ABCB11: variants seen among roughly 807,000 people sequenced by gnomAD.
ABCB11 encodes the protein bile salt export pump.
A neutral mutation model predicts 148.0 loss-of-function variants in ABCB11; 95 were observed. The ratio of observed to expected loss-of-function variants is 0.64; its 90% CI spans 0.54 to 0.76. The LOEUF (loss-of-function observed/expected upper bound fraction) is 0.76, where lower values mean the gene tolerates loss of function less well. Among genes scored for constraint, ABCB11 ranks in the 30% least tolerant of loss-of-function variants. ABCB11 has a pLI of 0.00. For synonymous variants in ABCB11, 591 were observed against 555.4 expected (o/e 1.06, Z -0.90); for missense variants, 1,523 against 1,617.8 (o/e 0.94, Z 1.01).
intron 24 of ABCB11, 90 bp downstream of exon 24, chr2:168,932,287 C>T: frequency 1.8e-6 from 2 of 1,128,624 alleles, no homozygotes; most frequent in Non-Finnish European, 2.5e-6. Flanking sequence ...TGTTAGTTTG[C>T]TGAGAATGAT....
rs1272826038 is a variant in ABCB11 at position 168,922,217 on chromosome 2, G to A, written c.*1405C>T. Among the ~76,000 whole-genome samples, 1 of 152,088 alleles carries A rather than the reference G, an allele frequency of 6.6e-6. No individual in the cohort carries two copies. The highest frequency in any genetic ancestry group is 1.5e-5 in the Non-Finnish European group (1 of 68,010). On this transcript the variant is annotated 3_prime_UTR_variant, in exon 28 of 28. Coordinates refer to ENST00000650372, the MANE Select transcript of ABCB11 (RefSeq NM_003742.4). Reference sequence around the variant, plus strand: ...CTTCAATCTCCTGCCAGAAGAGAGGGGCTGGGAGTTCTTCTGTTCATACAC... The same window carrying A: ...CTTCAATCTCCTGCCAGAAGAGAGGAGCTGGGAGTTCTTCTGTTCATACAC...
At chr2:169,013,182 G>A in intron 5 of ABCB11, 90 bp downstream of exon 5, 2 of 964,394 alleles carry the variant, frequency 2.1e-6, no homozygotes, top group South Asian at 3.4e-5. Context: ...TACCACTCCA[G>A]CTCAGCCAGT....
intron 9 of ABCB11, among the ~76,000 whole-genome samples, chr2:168,989,282 A>AT (rs1034501641): frequency 2.2e-4 from 33 of 152,200 alleles, no homozygotes; most frequent in African/African-American, 7.2e-4. Flanking sequence ...ACTTTAATCC[A>AT]TTTTGAGTTG....
At chr2:168,938,481 A>T (rs1691924749) in intron 21 of ABCB11, among the ~76,000 whole-genome samples, 1 of 152,192 alleles carries the variant, frequency 6.6e-6, no homozygotes, top group Admixed American at 6.5e-5. Context: ...AGGTTCATAG[A>T]CACAGAAAGT....
chr2:168,969,441 A>G lies in ABCB11; in HGVS notation c.1920T>C (p.His640=), dbSNP rs1693471612. 6.2e-7 allele frequency: 1 copy of G among 1,612,598 alleles called. No individual in the cohort carries two copies. Among genetic ancestry groups the G allele is most frequent in the Non-Finnish European group, 8.5e-7 (1 of 1,179,236 alleles). Reference sequence around the variant, plus strand: ...CACCTTTCCTTTCCAGTAATTCTTCATGGGTCCCTCTTTCCACTGCAGTGC... The same window carrying G: ...CACCTTTCCTTTCCAGTAATTCTTCGTGGGTCCCTCTTTCCACTGCAGTGC... ...EHGTAVERGT[H]EELLERKGVY... Residue 640 remains histidine, a synonymous_variant, in exon 16 of 28, where the codon CAT becomes CAC. Coordinates refer to ENST00000650372, the MANE Select transcript of ABCB11 (RefSeq NM_003742.4).
In ABCB11 at chr2:168,959,422, G is replaced by A. The variant is rs148699582; in HGVS notation, c.2179-1294C>T. Among the ~76,000 whole-genome samples the A allele has an allele frequency of 3.1e-3, 476 of 151,702 alleles. 5 individuals are homozygous for A. The highest frequency in any genetic ancestry group is 0.014 in the Middle Eastern group (4 of 294). On this transcript the variant is annotated intron_variant, in intron 18 of 27. Coordinates refer to ENST00000650372, the MANE Select transcript of ABCB11 (RefSeq NM_003742.4). Reference sequence around the variant, plus strand: ...GAGTGTAATAGGCATAGAAAAAATGGAGCTCTTGGAAAAGCCCAACGTGGC... The same window carrying A: ...GAGTGTAATAGGCATAGAAAAAATGAAGCTCTTGGAAAAGCCCAACGTGGC...
At chr2:169,005,039 C>T (rs1219785530) in intron 5 of ABCB11, among the ~76,000 whole-genome samples, 1 of 152,090 alleles carries the variant, frequency 6.6e-6, no homozygotes, top group Non-Finnish European at 1.5e-5. Flanking sequence ...ACAGCACCTG[C>T]ACCTGGTGGA....
rs752919965 is a variant in ABCB11, at chr2:168,936,256, T to TATCTC, written c.2783_2787dup (p.Lys930GlufsTer79). On this transcript the variant is annotated frameshift_variant, in exon 22 of 28. Transcript: ENST00000650372. LOFTEE classifies it high-confidence loss of function. The stretch of plus-strand genomic sequence containing the variant: ...TGTCCCACCATCTCCAGGGCCTGCT[T>TATCTC]ATCTCGAGAGGCAAATCCTGTCAAC... The TATCTC allele has an allele frequency of 7.4e-6, 12 of 1,613,742 alleles. No individual in the cohort carries two copies. The highest frequency in any genetic ancestry group is 1.0e-5 in the Non-Finnish European group (12 of 1,179,828).
intron 19 of ABCB11, among the ~76,000 whole-genome samples, chr2:168,952,349 C>T (rs1173938382): frequency 6.6e-6 from 1 of 151,294 alleles, no homozygotes; most frequent in Non-Finnish European, 1.5e-5. Flanking sequence ...TCCTTCTGGT[C>T]CTGGGCTTTT....
chr2:169,012,513 G>A (rs1382558350), intron 5 of ABCB11, among the ~76,000 whole-genome samples: 2 of 152,054 alleles, frequency 1.3e-5, no homozygotes, highest in Admixed American at 1.3e-4. Context: ...GGGAGGCTGA[G>A]GCAGGCAGAT....
chr2:169,002,448 G>A (rs769194697), intron 5 of ABCB11, among the ~76,000 whole-genome samples: 2 of 152,088 alleles, frequency 1.3e-5, no homozygotes, highest in Non-Finnish European at 2.9e-5. Flanking sequence ...CCTATACTGG[G>A]TATATATCCA....
intron 1 of ABCB11, among the ~76,000 whole-genome samples, chr2:169,029,724 CTTTTTTTTTTTTTT>C (rs1166356679): frequency 1.1e-5 from 1 of 88,300 alleles, no homozygotes; most frequent in East Asian, 3.7e-4. Flanking sequence ...GTTCTTTCCT[CTTTTTTTTTTTTTT>C]TTTTTTTTTT....
rs1412258921 is a variant in ABCB11 at position 168,992,197 on chromosome 2, CAT to C, written c.784-1274_784-1273del. On this transcript the variant is annotated intron_variant, in intron 8 of 27. Transcript: ENST00000650372. ...ACACAGACTTGAAAGCAAGACAAGACATGTGCAGACCTACAACATTCCAAATC... is the reference window on the plus strand; with the variant it reads ...ACACAGACTTGAAAGCAAGACAAGACGTGCAGACCTACAACATTCCAAATC... 2.0e-5 allele frequency among the ~76,000 whole-genome samples: 3 copies of C among 151,886 alleles called. 1 individual carries two copies. Among genetic ancestry groups the C allele is most frequent in the Non-Finnish European group, 2.9e-5 (2 of 67,970 alleles).
intron 5 of ABCB11, among the ~76,000 whole-genome samples, chr2:169,005,209 C>G (rs1446940933): frequency 6.6e-6 from 1 of 152,002 alleles, no homozygotes; most frequent in Non-Finnish European, 1.5e-5. Flanking sequence ...CTCAGGACAC[C>G]TGGTTATCTA....
intron 18 of ABCB11, among the ~76,000 whole-genome samples, chr2:168,960,066 T>A (rs1163034685): frequency 1.3e-5 from 2 of 151,594 alleles, no homozygotes; most frequent in Non-Finnish European, 3.0e-5. Flanking sequence ...TTTCACCCCT[T>A]CTCTGTTCTA....
chr2:169,021,511 C>T (rs895863934), intron 1 of ABCB11, among the ~76,000 whole-genome samples: 1 of 152,062 alleles, frequency 6.6e-6, no homozygotes, highest in Non-Finnish European at 1.5e-5. Flanking sequence ...CCTAACACAA[C>T]ATAGCCTGCA....
intron 19 of ABCB11, among the ~76,000 whole-genome samples, chr2:168,952,159 T>G (rs1692595935): frequency 6.6e-6 from 1 of 151,780 alleles, no homozygotes; most frequent in Non-Finnish European, 1.5e-5. Context: ...TTTACATCTA[T>G]GTTCATCAGA....
chr2:168,919,713 A>G (rs74870851), downstream of ABCB11, among the ~76,000 whole-genome samples: 8,328 of 152,062 alleles, frequency 0.055, 505 homozygotes, highest in East Asian at 0.3. Context: ...GAATGTCTTT[A>G]GACCTCTCTC....
intron 21 of ABCB11, among the ~76,000 whole-genome samples, chr2:168,942,992 T>C (rs1692135936): frequency 6.6e-6 from 1 of 151,950 alleles, no homozygotes; most frequent in South Asian, 2.1e-4. Context: ...CTCACACTAA[T>C]CTTAAGATAA....
Sources: gnomAD v4.1 joint callset for allele counts (sites outside exome capture counted in the v4.1 genomes callset) on GRCh38, gnomAD v4.1.1 for gene constraint, MANE v1.5 for transcripts, NCBI Gene and HGNC (gene_info 2026-07-23, HGNC 2026-07-21) for gene names.